RUSC2: variants seen among roughly 807,000 people sequenced by gnomAD.
RUSC2 encodes the protein AP-4 complex accessory subunit RUSC2.
Under a neutral mutation model 122.2 loss-of-function variants are expected in RUSC2, and 34 were observed. The ratio of observed to expected loss-of-function variants is 0.28; its 90% CI spans 0.21 to 0.37. RUSC2 has a LOEUF of 0.37. Among genes scored for constraint, RUSC2 ranks in the 10% least tolerant of loss-of-function variants. The pLI, the probability that RUSC2 is intolerant of heterozygous loss-of-function variation, is 1.00. For missense variants in RUSC2, 1,747 were observed against 1,952.4 expected (o/e 0.89, Z 1.98); for synonymous variants, 784 against 790.0 (o/e 0.99, Z 0.13).
Position 35,561,506 on chromosome 9 carries a change from G to T in RUSC2, c.*124G>T. The T allele has an allele frequency of 1.4e-6, 1 of 732,450 alleles. No homozygotes were observed. 45.4% of individuals were successfully genotyped at this position (732,450 alleles called of 1,614,324 possible). ...GAGAGCTGGGGCCACGTATCCCTGT[G>T]CTGGCACCTGCTCCCTGTGCTCAGT... On this transcript the variant is annotated 3_prime_UTR_variant, in exon 12 of 12. Transcript: ENST00000361226.
intron 1 of RUSC2, among the ~76,000 whole-genome samples, chr9:35,501,330 A>G (rs575916714): frequency 1.3e-5 from 2 of 152,334 alleles, no homozygotes; most frequent in East Asian, 3.9e-4. Flanking sequence ...GAATCCCAGC[A>G]CTTTGGGAGG....
intron 9 of RUSC2, 121 bp from the exon 10 acceptor site, chr9:35,559,908 T>G (rs12338773): frequency 1.3e-6 from 1 of 793,154 alleles, no homozygotes; most frequent in Non-Finnish European, 2.1e-6. Context: ...TACATGCAAG[T>G]TGACTAGTGC....
chr9:35,515,520 A>G (rs1041724676), intron 1 of RUSC2, among the ~76,000 whole-genome samples: 3 of 152,148 alleles, frequency 2.0e-5, no homozygotes, highest in Admixed American at 2.0e-4. Context: ...CAAGGATATT[A>G]GCTGTATATT....
At chr9:35,506,714 C>CA (rs914390652) in intron 1 of RUSC2, among the ~76,000 whole-genome samples, 1 of 152,160 alleles carries the variant, frequency 6.6e-6, no homozygotes, top group African/African-American at 2.4e-5. Context: ...ACAGAGTGGT[C>CA]AGTGCTGACT....
rs1822054085 is a variant in RUSC2, at chr9:35,557,790, T to C, written c.2984-124T>C. ...GGCCTGAATGTTTTGATAAGACCCATGTGCAGATGTGGAGACGGAGTAAGT... is the reference window on the plus strand; with the variant it reads ...GGCCTGAATGTTTTGATAAGACCCACGTGCAGATGTGGAGACGGAGTAAGT... On this transcript the variant is annotated intron_variant, in intron 5 of 11. Transcript: ENST00000361226. This position sits in a 1 kb window ranked among gnomAD's most constrained non-coding sequence, Gnocchi z 4.6. 5.2e-6 allele frequency: 4 copies of C among 770,002 alleles called. No homozygotes were observed. The highest frequency in any genetic ancestry group is 7.0e-6 in the Non-Finnish European group (3 of 428,366). 47.7% of individuals were successfully genotyped at this position (770,002 alleles called of 1,614,324 possible).
chr9:35,548,842 C>A lies in RUSC2; in HGVS notation c.2014+307C>A. ...GTCAGGAGTTTGAGACCAGCCTGGC[C>A]AACATAATGAAACCCCAGCTCTACT... On this transcript the variant is annotated intron_variant, in intron 2 of 11. Transcript: ENST00000361226. The surrounding 1 kb of genome is among the most constrained non-coding windows in gnomAD (Gnocchi z 4.5). The A allele has an allele frequency of 1.4e-6, 1 of 695,336 alleles. No homozygotes were observed. The highest frequency in any genetic ancestry group is 1.8e-6 in the Non-Finnish European group (1 of 565,030). The allele number at this position is 695,336 out of a possible 1,614,324, so 43.1% of individuals were successfully genotyped here. A position where few individuals can be genotyped will look rare whatever the true frequency, so the allele number is the denominator to read the frequency against.
In RUSC2 at chr9:35,555,051, T is replaced by TTGC. The variant is rs772950502; in HGVS notation, c.2015-7_2015-5dup. 9.9e-6 allele frequency: 16 copies of TTGC among 1,609,800 alleles called. No individual in the cohort carries two copies. The East Asian group carries it at 3.6e-4, about 36-fold the overall frequency. ...GTCTACTGATTTCTTCTCCATCCCTTTGCTACAGGGGGTGGCACCGAGAGC... is the reference window on the plus strand; with the variant it reads ...GTCTACTGATTTCTTCTCCATCCCTTTGCTGCTACAGGGGGTGGCACCGAGAGC... On this transcript the variant is annotated splice_polypyrimidine_tract_variant and intron_variant, in intron 2 of 11. Coordinates refer to ENST00000361226, the MANE Select transcript of RUSC2 (RefSeq NM_014806.5). This position sits in a 1 kb window ranked among gnomAD's most constrained non-coding sequence, Gnocchi z 4.6.
intron 1 of RUSC2, among the ~76,000 whole-genome samples, chr9:35,504,543 G>A (rs763458342): frequency 1.3e-5 from 2 of 149,916 alleles, no homozygotes; most frequent in African/African-American, 2.5e-5. Context: ...TCGGCTCACC[G>A]CAATCTCTGC....
intron 1 of RUSC2, among the ~76,000 whole-genome samples, chr9:35,529,983 G>A (rs1298779947): frequency 6.6e-6 from 1 of 152,068 alleles, no homozygotes; most frequent in African/African-American, 2.4e-5. Context: ...ACTGGGCCTT[G>A]TTCTGTTGTC....
chr9:35,490,857 G>A (rs1045057873), intron 1 of RUSC2, among the ~76,000 whole-genome samples: 4 of 152,220 alleles, frequency 2.6e-5, no homozygotes, highest in East Asian at 3.8e-4. Flanking sequence ...CCGGCCCTGC[G>A]GACACGGGGA....
At chr9:35,518,651 G>A (rs919078759) in intron 1 of RUSC2, among the ~76,000 whole-genome samples, 2 of 152,160 alleles carry the variant, frequency 1.3e-5, no homozygotes, top group African/African-American at 2.4e-5. Context: ...GGCCCAACAA[G>A]ATTTCTATCC....
intron 1 of RUSC2, among the ~76,000 whole-genome samples, chr9:35,501,653 T>C (rs1394185685): frequency 6.6e-6 from 1 of 152,168 alleles, no homozygotes; most frequent in Non-Finnish European, 1.5e-5. Context: ...AGATAAATGG[T>C]TGGGTTTGGG....
intron 1 of RUSC2, among the ~76,000 whole-genome samples, chr9:35,524,756 G>A (rs1220767819): frequency 6.6e-6 from 1 of 152,172 alleles, no homozygotes; most frequent in Non-Finnish European, 1.5e-5. Flanking sequence ...TGGATCACAA[G>A]GTCAGGAGAT....
intron 1 of RUSC2, among the ~76,000 whole-genome samples, chr9:35,519,766 C>T (rs951949610): frequency 6.6e-6 from 1 of 152,156 alleles, no homozygotes; most frequent in Non-Finnish European, 1.5e-5. Context: ...TACTAAGCAC[C>T]TACCATGTGT....
chr9:35,553,976 C>CA (rs1821953199), intron 2 of RUSC2, among the ~76,000 whole-genome samples: 1 of 152,216 alleles, frequency 6.6e-6, no homozygotes, highest in South Asian at 2.1e-4. Context: ...CTAGCTCTGC[C>CA]ACTTCCTAGT....
chr9:35,523,949 A>G (rs755363756), intron 1 of RUSC2, among the ~76,000 whole-genome samples: 11 of 152,212 alleles, frequency 7.2e-5, no homozygotes, highest in African/African-American at 4.8e-5. Context: ...TCCTAAATCA[A>G]TAAATTAAGA....
chr9:35,558,222 G>C lies in RUSC2; in HGVS notation c.3086G>C (p.Ser1029Thr). The C allele has an allele frequency of 6.2e-7, 1 of 1,613,736 alleles. No individual in the cohort carries two copies. The highest frequency in any genetic ancestry group is 8.5e-7 in the Non-Finnish European group (1 of 1,180,012). The change falls in exon 7 of 12, where the codon AGC becomes ACC. Residue 1029 changes from serine to threonine, a missense_variant. By Grantham distance (58) the Ser-to-Thr change is moderately conservative. Transcript: ENST00000361226. The surrounding 1 kb of genome is among the most constrained non-coding windows in gnomAD (Gnocchi z 4.3). Reference protein sequence around the residue: ...VKAKLGNSSVSPNVGHLVLKY... With the variant: ...VKAKLGNSSVTPNVGHLVLKY... ...GCAAAGCTGGGAAACAGTTCTGTGA[G>C]CCCCAATGTGGGCCACCTGGTTCTG...
intron 1 of RUSC2, among the ~76,000 whole-genome samples, chr9:35,499,852 A>C (rs1483124772): frequency 6.6e-6 from 1 of 152,214 alleles, no homozygotes; most frequent in Non-Finnish European, 1.5e-5. Context: ...GATGAACCCA[A>C]GGTAAAAAGC....
At chr9:35,512,938 T>G (rs1214751385) in intron 1 of RUSC2, among the ~76,000 whole-genome samples, 1 of 152,224 alleles carries the variant, frequency 6.6e-6, no homozygotes, top group Non-Finnish European at 1.5e-5. Flanking sequence ...AAATGCATAT[T>G]GACCATTTCA....
Sources: allele counts gnomAD v4.1 joint callset (sites outside exome capture counted in the v4.1 genomes callset), GRCh38; gene constraint gnomAD v4.1.1; non-coding constraint Gnocchi (gnomAD v3.1); transcripts MANE v1.5; gene names NCBI Gene and HGNC (gene_info 2026-07-23, HGNC 2026-07-21).